CEP85L: variants seen among roughly 807,000 people sequenced by gnomAD.
CEP85L encodes centrosomal protein of 85 kDa-like.
CEP85L carries 60 observed loss-of-function variants against 100.3 expected under a neutral mutation model. The ratio of observed to expected loss-of-function variants is 0.60; its 90% CI spans 0.49 to 0.74. The LOEUF is 0.74. Among genes scored for constraint, CEP85L ranks in the 30% least tolerant of loss-of-function variants. The probability of loss-of-function intolerance (pLI) is 0.00; values close to 1 mark genes in which losing one functional copy is unlikely to be tolerated. For missense variants in CEP85L, 973 were observed against 936.2 expected, an observed-to-expected ratio of 1.04 and a Z score of -0.51; for synonymous variants, 319 against 322.7, an observed-to-expected ratio of 0.99 and a Z score of 0.12.
chr6:118,563,225 A>C (rs546216611), intron 3 of CEP85L, among the ~76,000 whole-genome samples: 1 of 152,188 alleles, frequency 6.6e-6, no homozygotes, highest in South Asian at 2.1e-4. Context: ...ACACTCCTGC[A>C]CTCTTGATGA....
At chr6:118,537,121 T>G (rs1304039555) in intron 3 of CEP85L, among the ~76,000 whole-genome samples, 1 of 152,172 alleles carries the variant, frequency 6.6e-6, no homozygotes, top group African/African-American at 2.4e-5. Flanking sequence ...CTACTTAGAA[T>G]TTCAAAGTAA....
intron 2 of CEP85L, among the ~76,000 whole-genome samples, chr6:118,605,232 A>T (rs1280400932): frequency 2.6e-5 from 4 of 152,190 alleles, no homozygotes; most frequent in Non-Finnish European, 5.9e-5. Context: ...AATACTACAG[A>T]AGACAGTACA....
At chr6:118,574,961 A>C (rs1213947429) in intron 2 of CEP85L, among the ~76,000 whole-genome samples, 1 of 150,510 alleles carries the variant, frequency 6.6e-6, no homozygotes, top group Non-Finnish European at 1.5e-5. Flanking sequence ...AGTGCAAGAA[A>C]CCTCCAGTTG....
intron 1 of CEP85L, among the ~76,000 whole-genome samples, chr6:118,678,007 T>A (rs1241707182): frequency 6.6e-6 from 1 of 152,242 alleles, no homozygotes; most frequent in African/African-American, 2.4e-5. Context: ...AAGCCTTCCC[T>A]GGCTTTAGTT....
At chr6:118,678,448 C>T (rs530104689) in intron 1 of CEP85L, among the ~76,000 whole-genome samples, 5 of 152,304 alleles carry the variant, frequency 3.3e-5, no homozygotes, top group South Asian at 2.1e-4. Flanking sequence ...AGCAGCACAT[C>T]AGAAAATCCA....
intron 1 of CEP85L, among the ~76,000 whole-genome samples, chr6:118,694,321 A>G (rs1777136030): frequency 6.6e-6 from 1 of 152,198 alleles, no homozygotes; most frequent in African/African-American, 2.4e-5. Context: ...ACATTGTTCA[A>G]ATTCATTACC....
At chr6:118,606,138 T>C (rs1225078285) in intron 2 of CEP85L, among the ~76,000 whole-genome samples, 1 of 152,172 alleles carries the variant, frequency 6.6e-6, no homozygotes, top group Non-Finnish European at 1.5e-5. Flanking sequence ...AAAGGCCTGT[T>C]AAATATATCT....
intron 1 of CEP85L, among the ~76,000 whole-genome samples, chr6:118,633,474 G>A (rs12661987): frequency 0.043 from 6,527 of 152,204 alleles, 160 homozygotes; most frequent in Admixed American, 0.054. Flanking sequence ...AAAGTGCTGG[G>A]ATTGCAGGTG....
chr6:118,672,786 A>AGAAGGAGGAAGAG (rs1554243597), intron 1 of CEP85L, among the ~76,000 whole-genome samples: 1 of 149,592 alleles, frequency 6.7e-6, no homozygotes, highest in Non-Finnish European at 1.5e-5. Context: ...AGAAGAAAGA[A>AGAAGGAGGAAGAG]GAAGGAGGAG....
chr6:118,641,602 G>T (rs1180142941), intron 1 of CEP85L, among the ~76,000 whole-genome samples: 1 of 152,084 alleles, frequency 6.6e-6, no homozygotes, highest in Non-Finnish European at 1.5e-5. Flanking sequence ...TTTCGTATGG[G>T]TATGCATTGC....
At chr6:118,604,639 G>A (rs1358331330) in intron 2 of CEP85L, among the ~76,000 whole-genome samples, 1 of 152,146 alleles carries the variant, frequency 6.6e-6, no homozygotes, top group African/African-American at 2.4e-5. Flanking sequence ...GTGTTACTAG[G>A]ACACACCAGG....
chr6:118,583,894 C>T (rs1024786136), intron 2 of CEP85L, among the ~76,000 whole-genome samples: 2 of 152,206 alleles, frequency 1.3e-5, no homozygotes, highest in South Asian at 4.1e-4. Context: ...ACCCTGTTAA[C>T]TCAAATACCT....
chr6:118,607,783 G>C (rs1562304680), intron 2 of CEP85L, among the ~76,000 whole-genome samples: 1 of 152,040 alleles, frequency 6.6e-6, no homozygotes, highest in Non-Finnish European at 1.5e-5. Flanking sequence ...TATTTCCTTT[G>C]GGTCGGGGGT....
intron 4 of CEP85L, among the ~76,000 whole-genome samples, chr6:118,512,138 T>C (rs968997444): frequency 1.3e-5 from 2 of 152,106 alleles, no homozygotes; most frequent in South Asian, 2.1e-4. Context: ...GATAGGTAAC[T>C]AATGAGGTGG....
intron 2 of CEP85L, among the ~76,000 whole-genome samples, chr6:118,631,912 A>G (rs1774180777): frequency 1.3e-5 from 2 of 152,240 alleles, no homozygotes; most frequent in Non-Finnish European, 2.9e-5. Flanking sequence ...TATTTCTTAA[A>G]ACTGTATATA....
Position 118,479,928 on chromosome 6 carries a change from C to A in CEP85L, c.1864-7G>T. 7.2e-7 allele frequency: 1 copy of A among 1,383,028 alleles called. No individual in the cohort carries two copies. The highest frequency in any genetic ancestry group is 2.5e-5 in the East Asian group (1 of 40,594). 85.7% of individuals were successfully genotyped at this position (1,383,028 alleles called of 1,614,324 possible). On this transcript the variant is annotated splice_region_variant and splice_polypyrimidine_tract_variant and intron_variant, in intron 9 of 12. Coordinates refer to ENST00000368491, the MANE Select transcript of CEP85L (RefSeq NM_001042475.3). Reference sequence around the variant, plus strand: ...CTTGTTGGCTGTCTATTATCTAAAACAAAATAAATACATCTGATTCAAATA... The same window carrying A: ...CTTGTTGGCTGTCTATTATCTAAAAAAAAATAAATACATCTGATTCAAATA...
intron 8 of CEP85L, 136 bp from the exon 9 acceptor site, chr6:118,480,649 T>C (rs559854286): frequency 3.1e-4 from 176 of 574,846 alleles, no homozygotes; most frequent in Non-Finnish European, 4.6e-4. Context: ...ACAGACAGTA[T>C]ATGAAAAACT....
intron 1 of CEP85L, among the ~76,000 whole-genome samples, chr6:118,650,629 G>A (rs931550288): frequency 1.3e-5 from 2 of 152,176 alleles, no homozygotes; most frequent in Non-Finnish European, 2.9e-5. Flanking sequence ...AAGTTCCCTT[G>A]GGGGTGGCTG....
intron 2 of CEP85L, among the ~76,000 whole-genome samples, chr6:118,613,146 G>A (rs895204564): frequency 1.3e-5 from 2 of 152,028 alleles, no homozygotes; most frequent in South Asian, 4.1e-4. Flanking sequence ...GGCGGGCAGA[G>A]GTTGCAGTGA....
Sources: gnomAD v4.1 joint callset for allele counts (sites outside exome capture counted in the v4.1 genomes callset) on GRCh38, gnomAD v4.1.1 for gene constraint, MANE v1.5 for transcripts, NCBI Gene and HGNC (gene_info 2026-07-23, HGNC 2026-07-21) for gene names.